NUP54: variants seen among roughly 807,000 people sequenced by gnomAD.
NUP54 encodes the protein nucleoporin 54.
A neutral mutation model predicts 66.4 loss-of-function variants in NUP54; 27 were observed. The observed-to-expected ratio is 0.41, with a 90% CI of 0.30 to 0.56. The LOEUF is 0.56. NUP54 is among the 20% of genes least tolerant of loss of function. The pLI is 0.34. For missense variants in NUP54, 486 were observed against 596.3 expected, an observed-to-expected ratio of 0.82 and a Z score of 1.93; for synonymous variants, 206 against 210.7, an observed-to-expected ratio of 0.98 and a Z score of 0.19.
chr4:76,134,747 G>A (rs1730959899), intron 4 of NUP54, among the ~76,000 whole-genome samples: 1 of 151,868 alleles, frequency 6.6e-6, no homozygotes, highest in African/African-American at 2.4e-5. Flanking sequence ...CTCAACTTAT[G>A]ATTTTTCCAT....
chr4:76,143,598 C>T (rs554995028), intron 3 of NUP54, among the ~76,000 whole-genome samples: 19 of 151,818 alleles, frequency 1.3e-4, no homozygotes, highest in South Asian at 8.3e-4. Context: ...AGCAAGACTC[C>T]GTCTCAAAAA....
chr4:76,115,556 C>A (rs1729915484), intron 11 of NUP54, 62 bp from the exon 12 acceptor site: 2 of 1,389,830 alleles, frequency 1.4e-6, no homozygotes, highest in Non-Finnish European at 1.9e-6. Flanking sequence ...AAGCTAGTCA[C>A]AGGAAAAAAG....
intron 8 of NUP54, among the ~76,000 whole-genome samples, chr4:76,128,968 C>A (rs959860381): frequency 9.2e-5 from 14 of 152,190 alleles, no homozygotes; most frequent in African/African-American, 3.4e-4. Flanking sequence ...GGTTGCTTAA[C>A]AGATACAAAA....
chr4:76,148,391 A>C lies in NUP54; in HGVS notation c.-17T>G. ...GAAGGCCATGTCGCGAAAGCAGGAG[A>C]CCAAGTAGGTTACTCCTGCGACGCG... On this transcript the variant is annotated 5_prime_UTR_variant, in exon 1 of 12. Coordinates refer to ENST00000264883, the MANE Select transcript of NUP54 (RefSeq NM_017426.4). The C allele has an allele frequency of 6.6e-7, 1 of 1,505,918 alleles. No individual in the cohort carries two copies. The highest frequency in any genetic ancestry group is 1.3e-5 in the South Asian group (1 of 76,160). 93.3% of individuals were successfully genotyped at this position (1,505,918 alleles called of 1,614,324 possible). A position where few individuals can be genotyped will look rare whatever the true frequency, so the allele number is the denominator to read the frequency against.
chr4:76,129,147 T>G (rs1268335618), intron 8 of NUP54, among the ~76,000 whole-genome samples: 1 of 152,182 alleles, frequency 6.6e-6, no homozygotes, highest in African/African-American at 2.4e-5. Flanking sequence ...ATTTGATCAT[T>G]ACACACTATA....
intron 1 of NUP54, chr4:76,148,054 G>A (rs1041357223): frequency 7.1e-6 from 3 of 423,686 alleles, no homozygotes; most frequent in Admixed American, 8.0e-5. Context: ...GCAGCGGGAA[G>A]CGAACCGCTC....
chr4:76,143,515 T>C (rs1488609656), intron 3 of NUP54, among the ~76,000 whole-genome samples: 1 of 151,942 alleles, frequency 6.6e-6, no homozygotes, highest in Non-Finnish European at 1.5e-5. Context: ...GAGGCAGAAG[T>C]ATCGCTTGAA....
intron 9 of NUP54, among the ~76,000 whole-genome samples, chr4:76,123,802 C>T (rs1276293490): frequency 6.6e-6 from 1 of 152,208 alleles, no homozygotes; most frequent in Admixed American, 6.5e-5. Context: ...GAGTGAGACA[C>T]TGTGCCCGGC....
At chr4:76,148,118 C>T in intron 1 of NUP54, 190 bp downstream of exon 1, 1 of 438,564 alleles carries the variant, frequency 2.3e-6, no homozygotes, top group Non-Finnish European at 4.0e-6. Flanking sequence ...TAGTGGGACC[C>T]CGAGTACCCC....
intron 11 of NUP54, 67 bp from the exon 12 acceptor site, chr4:76,115,561 A>G: frequency 7.7e-7 from 1 of 1,304,848 alleles, no homozygotes; most frequent in Non-Finnish European, 1.0e-6. Context: ...AGTCACAGGA[A>G]AAAAGACTCC....
intron 3 of NUP54, among the ~76,000 whole-genome samples, chr4:76,141,882 T>C (rs1731281418): frequency 1.3e-5 from 2 of 148,532 alleles, no homozygotes. Flanking sequence ...AGGTCATTTA[T>C]GCATTAAAAA....
intron 9 of NUP54, among the ~76,000 whole-genome samples, chr4:76,123,570 T>C (rs1197699374): frequency 1.3e-5 from 2 of 152,090 alleles, no homozygotes; most frequent in Non-Finnish European, 2.9e-5. Context: ...TGGAGTGCAG[T>C]GGCGTGATCT....
At chr4:76,139,842 G>A (rs1291110047) in intron 3 of NUP54, among the ~76,000 whole-genome samples, 1 of 152,114 alleles carries the variant, frequency 6.6e-6, no homozygotes, top group Non-Finnish European at 1.5e-5. Context: ...GACTCCAGCT[G>A]GTAGGGTTCA....
chr4:76,136,467 CAG>C, intron 3 of NUP54, 55 bp from the exon 4 acceptor site: 1 of 1,462,460 alleles, frequency 6.8e-7, no homozygotes, highest in Non-Finnish European at 9.5e-7. Flanking sequence ...AAACTTAATC[CAG>C]ATCCTAGGCG....
intron 8 of NUP54, among the ~76,000 whole-genome samples, chr4:76,128,388 G>T (rs932348872): frequency 7.0e-5 from 8 of 113,486 alleles, no homozygotes; most frequent in African/African-American, 3.2e-4. Flanking sequence ...AGATTAAAAG[G>T]AAATGCTGAA....
At chr4:76,123,235 G>T (rs1335625132) in intron 9 of NUP54, among the ~76,000 whole-genome samples, 4 of 152,108 alleles carry the variant, frequency 2.6e-5, no homozygotes. Flanking sequence ...TGTGAAAAAA[G>T]AACAAATGAA....
chr4:76,144,584 C>A, intron 1 of NUP54, 111 bp from the exon 2 acceptor site: 1 of 776,418 alleles, frequency 1.3e-6, no homozygotes, highest in South Asian at 2.7e-5. Flanking sequence ...ATATATTGAT[C>A]TAATTTTTCC....
At chr4:76,135,354 G>A (rs1218872225) in intron 4 of NUP54, among the ~76,000 whole-genome samples, 1 of 152,140 alleles carries the variant, frequency 6.6e-6, no homozygotes, top group Non-Finnish European at 1.5e-5. Context: ...TGTACATTAT[G>A]CATTTTACCA....
chr4:76,145,378 T>G (rs1731451550), intron 1 of NUP54, among the ~76,000 whole-genome samples: 1 of 152,054 alleles, frequency 6.6e-6, no homozygotes, highest in Non-Finnish European at 1.5e-5. Flanking sequence ...TACTTTTTTT[T>G]GCAAGGAATT....
Sources: allele counts gnomAD v4.1 joint callset (sites outside exome capture counted in the v4.1 genomes callset), GRCh38; gene constraint gnomAD v4.1.1; transcripts MANE v1.5; gene names NCBI Gene and HGNC (gene_info 2026-07-23, HGNC 2026-07-21).